The following RIPOR2 variants were observed in gnomAD, a reference collection of about 807,000 sequenced individuals.
The protein encoded by RIPOR2 is RHO family interacting cell polarization regulator 2.
RIPOR2 carries 39 observed loss-of-function variants against 114.5 expected under a neutral mutation model. The ratio of observed to expected loss-of-function variants is 0.34; its 90% CI spans 0.26 to 0.44. The LOEUF is 0.44. Among genes scored for constraint, RIPOR2 ranks in the 20% least tolerant of loss-of-function variants. The pLI is 1.00. For missense variants in RIPOR2, 1,007 were observed against 1,255.1 expected, an observed-to-expected ratio of 0.80 and a Z score of 2.99; for synonymous variants, 445 against 484.4, an observed-to-expected ratio of 0.92 and a Z score of 1.07.
chr6:25,042,106 T>G (rs1325822208), upstream of RIPOR2: 1 of 519,014 alleles, frequency 1.9e-6, no homozygotes. Flanking sequence ...TTCTTTTATC[T>G]TGTAACTTGC....
chr6:24,954,614 C>A lies in RIPOR2; in HGVS notation c.77-78797G>T, dbSNP rs148982330. Among the ~76,000 whole-genome samples, 531 of 151,996 alleles carry A rather than the reference C, an allele frequency of 3.5e-3. 2 individuals carry two copies. Among genetic ancestry groups the A allele is most frequent in the African/African-American group, 0.011 (468 of 41,446 alleles). On this transcript the variant is annotated intron_variant, in intron 1 of 13. Transcript: ENST00000510784. ...GGGACTACAGGCATGTGTCACCATG[C>A]CTGGCAAATTTTTTGTAGAGACAAT...
rs529863208 is a variant in RIPOR2, at chr6:24,882,862, T to A, written c.62-7045A>T. Among the ~76,000 whole-genome samples the A allele has an allele frequency of 3.9e-5, 6 of 152,348 alleles. No individual in the cohort carries two copies. The South Asian group carries it at 1.2e-3, about 32-fold the overall frequency. ...ATACTCAAGTCTACCCCATATTCCA[T>A]GTGCTCCTTTGAATAATAAGAGGAA... On this transcript the variant is annotated intron_variant, in intron 1 of 21. Transcript: ENST00000643898.
chr6:24,930,078 A>C (rs558183452), intron 1 of RIPOR2, among the ~76,000 whole-genome samples: 1 of 152,204 alleles, frequency 6.6e-6, no homozygotes, highest in Non-Finnish European at 1.5e-5. Flanking sequence ...CTGTCTCTTG[A>C]AAAAATACAG....
In RIPOR2 at chr6:24,858,007, AT is replaced by A. The variant is rs1218683194; in HGVS notation, c.715+2965del. ...GGCTTTCCTCTGTTTGGTGAATGCT[AT>A]TCTGGTGCTGTTCACCATACATTAC... On this transcript the variant is annotated intron_variant, in intron 8 of 21. Coordinates refer to ENST00000643898, the MANE Select transcript of RIPOR2 (RefSeq NM_001286445.3). This position sits in a 1 kb window ranked among gnomAD's most constrained non-coding sequence, Gnocchi z 4.0. Among the ~76,000 whole-genome samples, 1 of 152,132 alleles carries A rather than the reference AT, an allele frequency of 6.6e-6. No individual in the cohort carries two copies. Among genetic ancestry groups the A allele is most frequent in the Admixed American group, 6.6e-5 (1 of 15,264 alleles).
chr6:24,890,663 T>TTC (rs1055259541), intron 1 of RIPOR2, among the ~76,000 whole-genome samples: 15 of 152,018 alleles, frequency 9.9e-5, no homozygotes, highest in African/African-American at 3.4e-4. Context: ...TTTTCTTTTT[T>TTC]TTTTTTTAAG....
chr6:25,011,150 G>C (rs913142956), intron 1 of RIPOR2, among the ~76,000 whole-genome samples: 1 of 152,206 alleles, frequency 6.6e-6, no homozygotes, highest in African/African-American at 2.4e-5. Flanking sequence ...TTGGCAATGA[G>C]CAGTGGAGGG....
intron 19 of RIPOR2, among the ~76,000 whole-genome samples, chr6:24,824,117 A>G (rs1013232006): frequency 1.4e-4 from 22 of 152,232 alleles, no homozygotes; most frequent in Non-Finnish European, 3.2e-4. Context: ...ACTAAAGAGT[A>G]TCACAGACCT....
rs758675486 is a variant in RIPOR2, at chr6:24,817,976, C to CTTTTTTTTTTTTTTTTTTTT, written c.2952+565_2952+566insAAAAAAAAAAAAAAAAAAAA. ...ATATACTTTCCTTTTCTCTCTCTCTCTCTTTTTTTTTGAGACAGAGTCTGG... is the reference window on the plus strand; with the variant it reads ...ATATACTTTCCTTTTCTCTCTCTCTCTTTTTTTTTTTTTTTTTTTTTCTTTTTTTTTGAGACAGAGTCTGG... On this transcript the variant is annotated intron_variant, in intron 20 of 21. Coordinates refer to ENST00000643898, the MANE Select transcript of RIPOR2 (RefSeq NM_001286445.3). Among the ~76,000 whole-genome samples, 8 of 84,446 alleles carry CTTTTTTTTTTTTTTTTTTTT rather than the reference C, an allele frequency of 9.5e-5. 2 individuals carry two copies. Among genetic ancestry groups the CTTTTTTTTTTTTTTTTTTTT allele is most frequent in the Admixed American group, 2.5e-4 (2 of 7,976 alleles). 55.4% of individuals were successfully genotyped at this position (84,446 alleles called of 152,430 possible).
intron 1 of RIPOR2, among the ~76,000 whole-genome samples, chr6:24,927,758 C>T (rs532611947): frequency 1.3e-5 from 2 of 152,260 alleles, no homozygotes; most frequent in African/African-American, 4.8e-5. Context: ...GGAATTGAAT[C>T]TTCTCAGGGG....
intron 1 of RIPOR2, among the ~76,000 whole-genome samples, chr6:24,986,180 A>G (rs1383832059): frequency 1.3e-5 from 2 of 152,164 alleles, no homozygotes; most frequent in East Asian, 3.8e-4. Context: ...CACTCATTTA[A>G]TCTTTATAAC....
At chr6:24,831,922 G>T (rs1415029735) in intron 16 of RIPOR2, among the ~76,000 whole-genome samples, 1 of 152,134 alleles carries the variant, frequency 6.6e-6, no homozygotes, top group African/African-American at 2.4e-5. Flanking sequence ...CCACCTCCAG[G>T]GTGCAAGAGC....
At chr6:25,040,866 C>G (rs1225380483) in intron 1 of RIPOR2, among the ~76,000 whole-genome samples, 1 of 152,196 alleles carries the variant, frequency 6.6e-6, no homozygotes, top group African/African-American at 2.4e-5. Flanking sequence ...GCTGGGATTA[C>G]AGGCATGAGC....
At chr6:24,819,066 T>C (rs546931011) in intron 19 of RIPOR2, among the ~76,000 whole-genome samples, 3 of 151,966 alleles carry the variant, frequency 2.0e-5, no homozygotes, top group Non-Finnish European at 4.4e-5. Context: ...CATGTGTCAT[T>C]CCAAGATTTG....
intron 1 of RIPOR2, among the ~76,000 whole-genome samples, chr6:24,946,119 G>T (rs920199530): frequency 1.3e-5 from 2 of 150,960 alleles, no homozygotes; most frequent in African/African-American, 4.9e-5. Context: ...GTCTTACTCT[G>T]TTGCCCAGGC....
At chr6:25,006,241 A>G (rs150314672) in intron 1 of RIPOR2, among the ~76,000 whole-genome samples, 1 of 152,256 alleles carries the variant, frequency 6.6e-6, no homozygotes, top group East Asian at 1.9e-4. Flanking sequence ...TTCTGCCTTC[A>G]TTCATTCGTT....
At chr6:24,877,682 A>C (rs1765933078) in intron 1 of RIPOR2, among the ~76,000 whole-genome samples, 1 of 152,202 alleles carries the variant, frequency 6.6e-6, no homozygotes, top group Admixed American at 6.5e-5. Flanking sequence ...TTTTCTCAGC[A>C]AGGCAATTTT....
chr6:24,995,052 G>C (rs1241399963), intron 1 of RIPOR2, among the ~76,000 whole-genome samples: 3 of 152,208 alleles, frequency 2.0e-5, no homozygotes, highest in Non-Finnish European at 4.4e-5. Context: ...GAGCCATCTG[G>C]TTCTGAGGAA....
At chr6:25,025,667 A>G (rs990310822) in intron 1 of RIPOR2, among the ~76,000 whole-genome samples, 2 of 152,252 alleles carry the variant, frequency 1.3e-5, no homozygotes, top group Non-Finnish European at 2.9e-5. Flanking sequence ...AGAAAACCAT[A>G]CAAATTAAAG....
intron 1 of RIPOR2, among the ~76,000 whole-genome samples, chr6:24,899,560 G>A (rs1376361889): frequency 5.9e-5 from 9 of 152,138 alleles, no homozygotes; most frequent in Admixed American, 4.6e-4. Flanking sequence ...CACATCTGAC[G>A]CTATTCATTT....
Sources: allele counts gnomAD v4.1 joint callset (sites outside exome capture counted in the v4.1 genomes callset), GRCh38; gene constraint gnomAD v4.1.1; non-coding constraint Gnocchi (gnomAD v3.1); transcripts MANE v1.5; gene names NCBI Gene and HGNC (gene_info 2026-07-23, HGNC 2026-07-21).